The following PHEX variants were observed in gnomAD, a reference collection of about 807,000 sequenced individuals.
PHEX encodes phosphate-regulating neutral endopeptidase PHEX.
In PHEX, 16 loss-of-function variants were observed where a neutral mutation model predicts 68.0. That is an observed-to-expected ratio of 0.24 (90% confidence interval 0.16 to 0.36). PHEX has a LOEUF of 0.36. Ranked by LOEUF, PHEX falls within the 10% of genes least tolerant of loss-of-function variation. The probability of loss-of-function intolerance (pLI) is 1.00; values close to 1 mark genes in which losing one functional copy is unlikely to be tolerated. For synonymous variants in PHEX, 208 were observed against 205.1 expected (o/e 1.01, Z -0.12); for missense variants, 480 against 575.5 (o/e 0.83, Z 1.70).
intron 11 of PHEX, among the ~76,000 whole-genome samples, chrX:22,132,068 G>A (rs749928415): frequency 3.6e-5 from 4 of 111,474 alleles, no homozygotes; most frequent in South Asian, 3.8e-4. Flanking sequence ...TCCACCTTTC[G>A]GTAGCAGCCC....
At chrX:22,114,711 T>G in intron 11 of PHEX, 125 bp downstream of exon 11, 1 of 580,784 alleles carries the variant, frequency 1.7e-6, no homozygotes, top group South Asian at 2.4e-5. Context: ...CTTCAGATTC[T>G]TTCAACTTCT....
intron 2 of PHEX, among the ~76,000 whole-genome samples, chrX:22,041,265 C>CTCTCTCTCTCTCTATATATATATA (rs1468778300): frequency 2.7e-5 from 2 of 72,825 alleles, no homozygotes; most frequent in African/African-American, 1.3e-4. Context: ...CTCTCTCTCT[C>CTCTCTCTCTCTCTATATATATATA]TATATATATA....
intron 18 of PHEX, among the ~76,000 whole-genome samples, chrX:22,224,384 C>G: frequency 8.9e-6 from 1 of 112,083 alleles, no homozygotes; most frequent in Non-Finnish European, 1.9e-5. Flanking sequence ...CCTGATTCCA[C>G]AGAGGATTCT....
intron 12 of PHEX, among the ~76,000 whole-genome samples, chrX:22,144,535 A>T (rs1285952501): frequency 9.0e-6 from 1 of 111,016 alleles, no homozygotes; most frequent in Admixed American, 9.7e-5. Flanking sequence ...TTTTAAAGCT[A>T]ATTCCATCTA....
At position 22,178,253 on chromosome X, in the gene PHEX, T is replaced by C; in HGVS notation, c.1483-20T>C. On this transcript the variant is annotated intron_variant, in intron 13 of 21. Transcript: ENST00000379374. ...TTTATCTTTACTTAGAACAATGATGTTGTGGTTTGTTTTATTCAGATCAAG... is the reference window on the plus strand; with the variant it reads ...TTTATCTTTACTTAGAACAATGATGCTGTGGTTTGTTTTATTCAGATCAAG... 9 of 1,034,287 alleles carry C rather than the reference T, an allele frequency of 8.7e-6. No individual in the cohort carries two copies. In the Middle Eastern group the frequency reaches 7.6e-4, roughly 87 times the overall value. The allele number at this position is 1,034,287 out of a possible 1,213,427, so 85.2% of individuals were successfully genotyped here.
chrX:22,056,763 A>AAATAATAAT (rs59624310), intron 3 of PHEX, among the ~76,000 whole-genome samples: 257 of 93,272 alleles, frequency 2.8e-3, no homozygotes, highest in Non-Finnish European at 2.9e-3. Context: ...CTCTGTCTCA[A>AAATAATAAT]AATAATAATA....
chrX:22,059,098 C>T (rs1928248547), intron 3 of PHEX, among the ~76,000 whole-genome samples: 1 of 111,808 alleles, frequency 8.9e-6, no homozygotes, highest in African/African-American at 3.3e-5. Context: ...AGCCAGCGTG[C>T]ACAGCCCTCA....
At chrX:22,178,514 T>G (rs1449302588) in intron 14 of PHEX, 138 bp downstream of exon 14, 27 of 375,845 alleles carry the variant, frequency 7.2e-5, no homozygotes, top group Non-Finnish European at 1.1e-4. Flanking sequence ...ATCTGTGTCA[T>G]GTTTTGCCAA....
At position 22,249,541 on chromosome X, in the gene PHEX, A is replaced by G. The variant is rs1283107110; in HGVS notation, c.*1588A>G. On this transcript the variant is annotated 3_prime_UTR_variant, in exon 22 of 22. Transcript: ENST00000379374. ...CTTTTGTAGCCATGGGAACGTTTGA[A>G]TGGAGAAAAATGGAGGGGCACCATC... 5 of 95,539 alleles carry G rather than the reference A, an allele frequency of 5.2e-5. No homozygotes were observed. The highest frequency in any genetic ancestry group is 1.0e-4 in the Non-Finnish European group (5 of 49,126). The allele number at this position is 95,539 out of a possible 1,213,427, so 7.9% of individuals were successfully genotyped here.
chrX:22,084,395 A>G (rs773739917), intron 5 of PHEX, among the ~76,000 whole-genome samples: 3 of 111,627 alleles, frequency 2.7e-5, no homozygotes, highest in Non-Finnish European at 5.6e-5. Context: ...TAGGTTAGCT[A>G]GTATTTTGTT....
chrX:22,125,824 A>AT (rs71663547), intron 11 of PHEX, among the ~76,000 whole-genome samples: 21 of 107,173 alleles, frequency 2.0e-4, no homozygotes, highest in East Asian at 2.9e-4. Flanking sequence ...GGTACCATGC[A>AT]TTTTTTTTTT....
chrX:22,225,499 A>C (rs754902815), intron 18 of PHEX, among the ~76,000 whole-genome samples: 7 of 111,648 alleles, frequency 6.3e-5, no homozygotes, highest in Non-Finnish European at 9.4e-5. Flanking sequence ...GTAAAGGGCC[A>C]GATAGTAAAG....
intron 18 of PHEX, among the ~76,000 whole-genome samples, chrX:22,225,902 C>T (rs983637736): frequency 1.8e-4 from 20 of 111,875 alleles, no homozygotes; most frequent in Non-Finnish European, 3.6e-4. Context: ...TCGCAGACCT[C>T]GACCTTGTGA....
At chrX:22,192,550 T>C (rs1338025524) in intron 15 of PHEX, among the ~76,000 whole-genome samples, 2 of 111,862 alleles carry the variant, frequency 1.8e-5, no homozygotes, top group African/African-American at 3.2e-5. Context: ...ACTCTCCCCC[T>C]TCCTCCCTCC....
At chrX:22,245,048 T>C (rs1936352398) in intron 20 of PHEX, among the ~76,000 whole-genome samples, 1 of 112,177 alleles carries the variant, frequency 8.9e-6, no homozygotes. Context: ...ATGAATACAC[T>C]GGTCGATTCC....
At position 22,212,949 on chromosome X, in the gene PHEX, A is replaced by G; in HGVS notation, c.1691A>G (p.Glu564Gly). 1 of 1,196,570 alleles carries G rather than the reference A, an allele frequency of 8.4e-7. No individual in the cohort carries two copies. The highest frequency in any genetic ancestry group is 3.0e-5 in the East Asian group (1 of 33,807). ...CAGAAGCCTTTCTTTTGGGGAACAG[A>G]ATATCCTCGGTGAGTAAATGAGTAC... ...ELQKPFFWGT[E>G]YPRSLSYGAI... Residue 564 changes from glutamate (E) to glycine (G), a missense_variant, in exon 16 of 22, where the codon GAA (glutamate) becomes GGA (glycine). Transcript: ENST00000379374.
intron 9 of PHEX, among the ~76,000 whole-genome samples, chrX:22,100,408 C>T (rs1193960442): frequency 8.9e-6 from 1 of 112,027 alleles, no homozygotes; most frequent in Non-Finnish European, 1.9e-5. Flanking sequence ...TACTTCCTAG[C>T]TCTCAAATAC....
In PHEX at chrX:22,227,708, G is replaced by GT. The variant is rs201800776; in HGVS notation, c.2070+97_2070+98insT. 1.1e-3 allele frequency: 619 copies of GT among 574,235 alleles called. 5 individuals carry two copies. In the East Asian group the frequency reaches 0.018, roughly 17 times the overall value. 47.3% of individuals were successfully genotyped at this position (574,235 alleles called of 1,213,427 possible). On this transcript the variant is annotated intron_variant, in intron 20 of 21. Coordinates refer to ENST00000379374, the MANE Select transcript of PHEX (RefSeq NM_000444.6). ...ATTTCAAACAAAAGTTTAATGGCAT[G>GT]ACTTTGATTTTCAGCAAAAATGTTA...
intron 6 of PHEX, among the ~76,000 whole-genome samples, chrX:22,093,560 C>T (rs1929995827): frequency 8.9e-6 from 1 of 111,858 alleles, no homozygotes; most frequent in Non-Finnish European, 1.9e-5. Context: ...TAAATCACAC[C>T]TCCCACCATT....
Sources: gnomAD v4.1 joint callset for allele counts (sites outside exome capture counted in the v4.1 genomes callset) on GRCh38, gnomAD v4.1.1 for gene constraint, MANE v1.5 for transcripts, NCBI Gene and HGNC (gene_info 2026-07-23, HGNC 2026-07-21) for gene names.